The following SMC5 variants were observed in gnomAD, a reference collection of about 807,000 sequenced individuals.
SMC5 encodes structural maintenance of chromosomes 5.
In SMC5, 88 loss-of-function variants were observed where a neutral mutation model predicts 148.3. The ratio of observed to expected loss-of-function variants is 0.59; its 90% CI spans 0.50 to 0.71. The LOEUF (loss-of-function observed/expected upper bound fraction) is 0.71, where lower values mean the gene tolerates loss of function less well. Among genes scored for constraint, SMC5 ranks in the 30% least tolerant of loss-of-function variants. The pLI is 0.00. For synonymous variants in SMC5, 421 were observed against 432.8 expected (o/e 0.97, Z 0.34); for missense variants, 1,142 against 1,298.9 (o/e 0.88, Z 1.86).
chr9:70,346,602 C>T lies in SMC5; in HGVS notation c.2524-3C>T. ...ATATTCTGGACCCATTCTACCAATTCAGCAAGTACCCACCATTCCAAATGG... is the reference window on the plus strand; with the variant it reads ...ATATTCTGGACCCATTCTACCAATTTAGCAAGTACCCACCATTCCAAATGG... On this transcript the variant is annotated splice_polypyrimidine_tract_variant and splice_region_variant and intron_variant, in intron 18 of 24. Transcript: ENST00000361138. 1.2e-6 allele frequency: 2 copies of T among 1,613,928 alleles called. No homozygotes were observed. The highest frequency in any genetic ancestry group is 1.1e-5 in the South Asian group (1 of 91,072).
At chr9:70,295,126 A>C (rs2035160631) in intron 8 of SMC5, among the ~76,000 whole-genome samples, 1 of 152,008 alleles carries the variant, frequency 6.6e-6, no homozygotes. Flanking sequence ...CTCTGGGGAG[A>C]ACAGGTGTCT....
chr9:70,264,978 A>G (rs188501134), intron 2 of SMC5, among the ~76,000 whole-genome samples: 183 of 152,352 alleles, frequency 1.2e-3, no homozygotes, highest in Non-Finnish European at 2.1e-3. Context: ...CCTACACTGT[A>G]CTTATGTAAA....
chr9:70,263,571 G>A (rs2034196442), intron 1 of SMC5, among the ~76,000 whole-genome samples: 1 of 152,184 alleles, frequency 6.6e-6, no homozygotes, highest in African/African-American at 2.4e-5. Context: ...CTGAGTCAGA[G>A]TTTGCTTCAC....
At chr9:70,309,506 T>C (rs2035604354) in intron 11 of SMC5, among the ~76,000 whole-genome samples, 1 of 151,998 alleles carries the variant, frequency 6.6e-6, no homozygotes. Context: ...CCTAAATTTA[T>C]GTCATATTCT....
chr9:70,260,485 C>T (rs1345897361), intron 1 of SMC5, among the ~76,000 whole-genome samples: 2 of 151,804 alleles, frequency 1.3e-5, no homozygotes, highest in East Asian at 3.9e-4. Flanking sequence ...TTTTTTCAAG[C>T]ACCTATTGTG....
chr9:70,270,413 G>T (rs2118039114), intron 3 of SMC5, among the ~76,000 whole-genome samples: 1 of 152,244 alleles, frequency 6.6e-6, no homozygotes, highest in Admixed American at 6.5e-5. Context: ...TTCATCACAT[G>T]GGTATAAGAA....
chr9:70,303,856 GAA>G (rs1384954287), intron 10 of SMC5, among the ~76,000 whole-genome samples: 1 of 152,082 alleles, frequency 6.6e-6, no homozygotes, highest in African/African-American at 2.4e-5. Context: ...ATTTTTTCAA[GAA>G]AGCTGATTTC....
intron 17 of SMC5, among the ~76,000 whole-genome samples, chr9:70,334,949 G>A (rs189366118): frequency 1.5e-3 from 225 of 152,186 alleles, no homozygotes; most frequent in African/African-American, 4.0e-3. Flanking sequence ...TATATTAAAG[G>A]CATGAGTTAA....
At chr9:70,324,423 C>T (rs969320155) in intron 17 of SMC5, among the ~76,000 whole-genome samples, 6 of 152,072 alleles carry the variant, frequency 3.9e-5, no homozygotes, top group African/African-American at 1.4e-4. Flanking sequence ...TAACTTAAAA[C>T]CGGAAGGAGA....
intron 4 of SMC5, 133 bp from the exon 5 acceptor site, chr9:70,278,352 AATAATG>A (rs2034652272): frequency 2.7e-6 from 2 of 754,680 alleles, no homozygotes; most frequent in Non-Finnish European, 4.1e-6. Context: ...TATTCTAAAG[AATAATG>A]CACAAAAGGT....
intron 5 of SMC5, 27 bp downstream of exon 5, chr9:70,278,652 A>G (rs1489111825): frequency 6.4e-7 from 1 of 1,572,994 alleles, no homozygotes; most frequent in Non-Finnish European, 8.6e-7. Flanking sequence ...ACTCATTTGT[A>G]TTGTTTCTTA....
chr9:70,320,759 A>T (rs2035922384), intron 15 of SMC5, among the ~76,000 whole-genome samples: 1 of 152,122 alleles, frequency 6.6e-6, no homozygotes, highest in Admixed American at 6.5e-5. Context: ...AAATATATAT[A>T]CTTAAGATTT....
chr9:70,322,609 G>A (rs924159439), intron 15 of SMC5, among the ~76,000 whole-genome samples: 1 of 152,230 alleles, frequency 6.6e-6, no homozygotes, highest in Non-Finnish European at 1.5e-5. Flanking sequence ...GCCGAGGTGC[G>A]TGGATCACTT....
At chr9:70,295,163 A>G (rs1366384005) in intron 8 of SMC5, among the ~76,000 whole-genome samples, 6 of 152,036 alleles carry the variant, frequency 3.9e-5, no homozygotes, top group African/African-American at 1.4e-4. Context: ...TTTCCATTAG[A>G]ACAAGAAGAG....
intron 4 of SMC5, 67 bp from the exon 5 acceptor site, chr9:70,278,424 G>A: frequency 6.7e-7 from 1 of 1,486,976 alleles, no homozygotes; most frequent in Non-Finnish European, 9.2e-7. Context: ...TAAGCATTGA[G>A]TGAAATACAT....
At chr9:70,281,818 T>C (rs2034757729) in intron 6 of SMC5, among the ~76,000 whole-genome samples, 1 of 152,072 alleles carries the variant, frequency 6.6e-6, no homozygotes, top group African/African-American at 2.4e-5. Context: ...TTGATTTTCC[T>C]TATTTTTTCT....
At chr9:70,341,902 G>T (rs1216399263) in intron 17 of SMC5, among the ~76,000 whole-genome samples, 5 of 151,312 alleles carry the variant, frequency 3.3e-5, no homozygotes, top group Non-Finnish European at 5.9e-5. Context: ...TATACCCAAA[G>T]GACTATAAAT....
At chr9:70,313,360 T>A (rs1306145663) in intron 11 of SMC5, among the ~76,000 whole-genome samples, 1 of 152,198 alleles carries the variant, frequency 6.6e-6, no homozygotes, top group Non-Finnish European at 1.5e-5. Flanking sequence ...AACGTGTGTA[T>A]ATATAATAGC....
chr9:70,267,640 C>T (rs964749622), intron 2 of SMC5, among the ~76,000 whole-genome samples: 3 of 152,050 alleles, frequency 2.0e-5, no homozygotes, highest in East Asian at 3.8e-4. Context: ...GGGTTCAGAT[C>T]GTTTTTCTGG....
Sources: allele counts gnomAD v4.1 joint callset (sites outside exome capture counted in the v4.1 genomes callset), GRCh38; gene constraint gnomAD v4.1.1; transcripts MANE v1.5; gene names NCBI Gene and HGNC (gene_info 2026-07-23, HGNC 2026-07-21).